Variants in PCCA observed in about 807,000 individuals in gnomAD.
The protein encoded by PCCA is propionyl-CoA carboxylase subunit alpha.
Under a neutral mutation model 101.3 loss-of-function variants are expected in PCCA, and 74 were observed. That is an observed-to-expected ratio of 0.73 (90% CI 0.61 to 0.89). PCCA has a LOEUF of 0.89. PCCA is among the 40% of genes least tolerant of loss of function. The pLI is 0.00. For synonymous variants in PCCA, 294 were observed against 313.6 expected (o/e 0.94, Z 0.66); for missense variants, 891 against 907.0 (o/e 0.98, Z 0.23).
intron 21 of PCCA, among the ~76,000 whole-genome samples, chr13:100,467,981 A>G (rs1435560680): frequency 1.3e-5 from 2 of 152,232 alleles, no homozygotes; most frequent in Non-Finnish European, 2.9e-5. Context: ...AATAAGACTT[A>G]AAAGCTGAAA....
chr13:100,142,186 A>G (rs1216084886), intron 4 of PCCA, among the ~76,000 whole-genome samples: 1 of 150,642 alleles, frequency 6.6e-6, no homozygotes, highest in Non-Finnish European at 1.5e-5. Flanking sequence ...GTTTCTTTTT[A>G]TTTGAATTTA....
At chr13:100,303,076 A>G (rs1472334558) in intron 14 of PCCA, 78 bp downstream of exon 14, 3 of 853,676 alleles carry the variant, frequency 3.5e-6, no homozygotes, top group Non-Finnish European at 6.2e-6. Flanking sequence ...AAGCATGTCA[A>G]CACCAAAGGG....
intron 18 of PCCA, among the ~76,000 whole-genome samples, chr13:100,357,091 C>A (rs577224026): frequency 2.8e-4 from 43 of 152,104 alleles, no homozygotes; most frequent in Admixed American, 2.7e-3. Context: ...CCTTATGAGG[C>A]AATGAAAACG....
intron 22 of PCCA, among the ~76,000 whole-genome samples, chr13:100,525,404 G>A (rs1198968251): frequency 6.6e-6 from 1 of 152,158 alleles, no homozygotes; most frequent in Non-Finnish European, 1.5e-5. Context: ...CACATTAGAA[G>A]CACAGAGCCA....
intron 5 of PCCA, among the ~76,000 whole-genome samples, chr13:100,156,598 A>G (rs1409145126): frequency 1.3e-5 from 2 of 152,190 alleles, no homozygotes; most frequent in African/African-American, 4.8e-5. Context: ...TGAGGATAGT[A>G]TAAAGTAGTT....
At chr13:100,492,254 C>G (rs993675393) in intron 21 of PCCA, among the ~76,000 whole-genome samples, 3 of 152,066 alleles carry the variant, frequency 2.0e-5, no homozygotes, top group Admixed American at 6.5e-5. Flanking sequence ...CCTGCCCCTG[C>G]CTCCCGAGTA....
At chr13:100,255,510 T>G (rs1425653914) in intron 8 of PCCA, among the ~76,000 whole-genome samples, 1 of 152,188 alleles carries the variant, frequency 6.6e-6, no homozygotes, top group Non-Finnish European at 1.5e-5. Context: ...GTGGGCTGTC[T>G]CTCAGCTCTT....
intron 12 of PCCA, among the ~76,000 whole-genome samples, chr13:100,284,793 C>T (rs961443119): frequency 6.6e-6 from 1 of 152,220 alleles, no homozygotes; most frequent in Non-Finnish European, 1.5e-5. Context: ...ATCCCACAGA[C>T]CACACATCCC....
chr13:100,279,633 G>A lies in PCCA; in HGVS notation c.1065+6287G>A, dbSNP rs572454111. 1.3e-4 allele frequency among the ~76,000 whole-genome samples: 20 copies of A among 152,042 alleles called. No homozygotes were observed. The South Asian group carries it at 2.3e-3, about 17-fold the overall frequency. On this transcript the variant is annotated intron_variant, in intron 12 of 23. Transcript: ENST00000376285. Reference sequence around the variant, plus strand: ...TGGGACTACAGGCGCATACCACCACGCCTAGCTAATTTTTGTTTTTTTAGT... The same window carrying A: ...TGGGACTACAGGCGCATACCACCACACCTAGCTAATTTTTGTTTTTTTAGT...
intron 17 of PCCA, among the ~76,000 whole-genome samples, chr13:100,336,329 C>T (rs888439679): frequency 1.3e-5 from 2 of 152,186 alleles, no homozygotes; most frequent in African/African-American, 4.8e-5. Flanking sequence ...GGAACCAGCG[C>T]GTAGCTGTTA....
chr13:100,214,289 G>A (rs977950774), intron 7 of PCCA, among the ~76,000 whole-genome samples: 1 of 151,896 alleles, frequency 6.6e-6, no homozygotes, highest in East Asian at 1.9e-4. Context: ...ATATTGAATC[G>A]GTAGATTGCT....
intron 18 of PCCA, among the ~76,000 whole-genome samples, chr13:100,341,769 G>A (rs1032333949): frequency 6.6e-6 from 1 of 151,892 alleles, no homozygotes; most frequent in African/African-American, 2.4e-5. Context: ...GATTATTTCA[G>A]AAGTTCTGAG....
chr13:100,212,960 C>T (rs2059310287), intron 7 of PCCA, among the ~76,000 whole-genome samples: 1 of 151,996 alleles, frequency 6.6e-6, no homozygotes, highest in Non-Finnish European at 1.5e-5. Context: ...TAATTTTTAG[C>T]TCCCACAGAT....
chr13:100,397,974 G>C (rs2152849599), intron 19 of PCCA, among the ~76,000 whole-genome samples: 1 of 152,290 alleles, frequency 6.6e-6, no homozygotes, highest in African/African-American at 2.4e-5. Flanking sequence ...ACTGGCATAA[G>C]TCTCTTTAAT....
intron 12 of PCCA, among the ~76,000 whole-genome samples, chr13:100,294,903 G>A (rs2065406587): frequency 6.6e-6 from 1 of 152,084 alleles, no homozygotes; most frequent in Admixed American, 6.5e-5. Context: ...TCAGAGAAAA[G>A]GGGAGAAAAA....
At chr13:100,501,581 T>C (rs2085671033) in intron 21 of PCCA, among the ~76,000 whole-genome samples, 1 of 152,034 alleles carries the variant, frequency 6.6e-6, no homozygotes, top group African/African-American at 2.4e-5. Context: ...TCACTAGAAA[T>C]GCAGACCCCA....
intron 7 of PCCA, among the ~76,000 whole-genome samples, chr13:100,225,897 T>C (rs2060120860): frequency 6.6e-6 from 1 of 152,062 alleles, no homozygotes; most frequent in African/African-American, 2.4e-5. Flanking sequence ...TTTCAAGTGA[T>C]TCTTGTGCCT....
chr13:100,169,396 G>A (rs893236311), intron 6 of PCCA, among the ~76,000 whole-genome samples: 1 of 147,688 alleles, frequency 6.8e-6, no homozygotes, highest in Non-Finnish European at 1.5e-5. Context: ...AGCTGAGATC[G>A]TGCCACTACA....
rs2071100523 is a variant in PCCA, at chr13:100,340,271, C to A, written c.1643+12C>A. On this transcript the variant is annotated intron_variant, in intron 18 of 23. Coordinates refer to ENST00000376285, the MANE Select transcript of PCCA (RefSeq NM_000282.4). ...CAAGAAAATTCAAGGTATGGTAGAT[C>A]ATTTAAAACAGAATAAATGAGCAGA... 3.8e-6 allele frequency: 5 copies of A among 1,299,852 alleles called. No individual in the cohort carries two copies. Among genetic ancestry groups the A allele is most frequent in the Non-Finnish European group, 4.5e-6 (4 of 893,496 alleles). The allele number at this position is 1,299,852 out of a possible 1,614,324, so 80.5% of individuals were successfully genotyped here. A position where few individuals can be genotyped will look rare whatever the true frequency, so the allele number is the denominator to read the frequency against.
Sources: allele counts gnomAD v4.1 joint callset (sites outside exome capture counted in the v4.1 genomes callset), GRCh38; gene constraint gnomAD v4.1.1; transcripts MANE v1.5; gene names NCBI Gene and HGNC (gene_info 2026-07-23, HGNC 2026-07-21).